Variants in ERAP1 observed in about 807,000 individuals in gnomAD.
ERAP1 encodes adipocyte-derived leucine aminopeptidase.
In ERAP1, 86 loss-of-function variants were observed where a neutral mutation model predicts 103.7. The observed-to-expected ratio is 0.83, with a 90% CI of 0.70 to 0.99. The LOEUF (loss-of-function observed/expected upper bound fraction) is 0.99, where lower values mean the gene tolerates loss of function less well. Ranked by LOEUF, ERAP1 falls within the 50% of genes least tolerant of loss-of-function variation. ERAP1 has a pLI of 0.00. For missense variants in ERAP1, 1,009 were observed against 1,128.4 expected (o/e 0.89, Z 1.52); for synonymous variants, 398 against 402.4 (o/e 0.99, Z 0.13).
chr5:96,871,573 C>T, the ERAP1 span, among the ~76,000 whole-genome samples: 1,616 of 152,244 alleles, frequency 0.011, 18 homozygotes, highest in Non-Finnish European at 0.016. Flanking sequence ...ATTTTGCCAT[C>T]ATTTTTCCTG....
the ERAP1 span, among the ~76,000 whole-genome samples, chr5:96,861,001 C>T: frequency 2.0e-5 from 3 of 151,864 alleles, no homozygotes; most frequent in Non-Finnish European, 2.9e-5. Context: ...AAGCCTCTAC[C>T]GACTGAAGAG....
At chr5:96,806,502 T>A (rs532359324) in intron 1 of ERAP1, among the ~76,000 whole-genome samples, 1 of 152,308 alleles carries the variant, frequency 6.6e-6, no homozygotes, top group East Asian at 1.9e-4. Context: ...TCATTCAAGG[T>A]GGGGTAACTG....
intron 2 of ERAP1, among the ~76,000 whole-genome samples, chr5:96,801,732 A>G (rs983115878): frequency 6.6e-6 from 1 of 150,932 alleles, no homozygotes; most frequent in Admixed American, 6.6e-5. Context: ...CGCGTCTGTA[A>G]TCCCAGCTAC....
the ERAP1 span, chr5:96,892,427 G>A: frequency 6.2e-7 from 1 of 1,613,994 alleles, no homozygotes; most frequent in South Asian, 1.1e-5. Flanking sequence ...GGTCACCAGA[G>A]TCATAGCCCA....
At chr5:96,899,792 T>G in the ERAP1 span, among the ~76,000 whole-genome samples, 1 of 152,122 alleles carries the variant, frequency 6.6e-6, no homozygotes, top group Non-Finnish European at 1.5e-5. Context: ...CAGCATGAAA[T>G]AATAAAATAG....
At chr5:96,845,555 T>C in the ERAP1 span, among the ~76,000 whole-genome samples, 1 of 152,358 alleles carries the variant, frequency 6.6e-6, no homozygotes, top group African/African-American at 2.4e-5. Context: ...TAATTATATG[T>C]ATATAAGTAA....
chr5:96,894,866 T>C, the ERAP1 span, among the ~76,000 whole-genome samples: 2 of 152,118 alleles, frequency 1.3e-5, no homozygotes, highest in Admixed American at 1.3e-4. Flanking sequence ...CCCTTGAACA[T>C]CATCATATAT....
the ERAP1 span, among the ~76,000 whole-genome samples, chr5:96,832,353 G>T: frequency 0.096 from 14,554 of 152,240 alleles, 907 homozygotes; most frequent in Middle Eastern, 0.16. Context: ...AGTTACTTAA[G>T]TTAATAAAAT....
chr5:96,909,963 G>C, the ERAP1 span: 1 of 520,580 alleles, frequency 1.9e-6, no homozygotes, highest in Non-Finnish European at 3.4e-6. Flanking sequence ...GAAATGTAAT[G>C]GTGTCCATTA....
chr5:96,850,212 G>A, the ERAP1 span, among the ~76,000 whole-genome samples: 1 of 152,064 alleles, frequency 6.6e-6, no homozygotes, highest in East Asian at 1.9e-4. Flanking sequence ...TGACTCCAAA[G>A]GCACAGGTAA....
downstream of ERAP1, among the ~76,000 whole-genome samples, chr5:96,771,248 A>T (rs1467616625): frequency 6.6e-6 from 1 of 152,186 alleles, no homozygotes; most frequent in Non-Finnish European, 1.5e-5. Context: ...GTACTTAATC[A>T]GCCCTTTAAC....
chr5:96,901,444 T>G, the ERAP1 span: 1 of 1,541,508 alleles, frequency 6.5e-7, no homozygotes. Flanking sequence ...TGGAAGTTTC[T>G]GTCCCTCTGT....
the ERAP1 span, among the ~76,000 whole-genome samples, chr5:96,890,749 C>T: frequency 1.3e-5 from 2 of 152,112 alleles, no homozygotes; most frequent in African/African-American, 2.4e-5. Context: ...GGACTTATTT[C>T]GATAGTTCCT....
chr5:96,788,367 T>C (rs147479042), intron 11 of ERAP1, among the ~76,000 whole-genome samples, 164 bp downstream of exon 11: 2 of 152,328 alleles, frequency 1.3e-5, no homozygotes, highest in African/African-American at 4.8e-5. Flanking sequence ...TTAATCCTAC[T>C]GGGAAGATGG....
intron 7 of ERAP1, among the ~76,000 whole-genome samples, chr5:96,793,127 G>T (rs986432479): frequency 4.6e-5 from 7 of 152,254 alleles, no homozygotes; most frequent in Admixed American, 3.3e-4. Flanking sequence ...CATTTAGGCT[G>T]CCATTATTTC....
the ERAP1 span, among the ~76,000 whole-genome samples, chr5:96,893,451 G>A: frequency 6.6e-6 from 1 of 152,258 alleles, no homozygotes; most frequent in East Asian, 1.9e-4. Flanking sequence ...GAGAACACAT[G>A]GGCTGCTTCC....
chr5:96,801,541 C>T (rs912401621), intron 2 of ERAP1, among the ~76,000 whole-genome samples: 7 of 151,372 alleles, frequency 4.6e-5, no homozygotes, highest in Non-Finnish European at 1.0e-4. Context: ...AACTTAATAG[C>T]CTTAACAGAT....
chr5:96,884,155 T>TC, the ERAP1 span, among the ~76,000 whole-genome samples: 2 of 148,212 alleles, frequency 1.3e-5, no homozygotes, highest in African/African-American at 5.0e-5. Flanking sequence ...GCTTTTTTTT[T>TC]CCCAAGCAAA....
At chr5:96,850,317 G>GA in the ERAP1 span, among the ~76,000 whole-genome samples, 1 of 152,042 alleles carries the variant, frequency 6.6e-6, no homozygotes, top group Admixed American at 6.6e-5. Flanking sequence ...CAGACTGAGA[G>GA]AAAATATTTG....
Sources: allele counts gnomAD v4.1 joint callset (sites outside exome capture counted in the v4.1 genomes callset), GRCh38; gene constraint gnomAD v4.1.1; transcripts MANE v1.5; gene names NCBI Gene and HGNC (gene_info 2026-07-23, HGNC 2026-07-21).